SLIT2: variants seen among roughly 807,000 people sequenced by gnomAD.
SLIT2 encodes the protein slit guidance ligand 2.
Under a neutral mutation model 185.7 loss-of-function variants are expected in SLIT2, and 41 were observed. That is an observed-to-expected ratio of 0.22 (90% CI 0.17 to 0.29). The LOEUF (loss-of-function observed/expected upper bound fraction) is 0.29. SLIT2 is among the 10% of genes least tolerant of loss of function. The pLI is 1.00. For missense variants in SLIT2, 1,571 were observed against 1,909.0 expected, an observed-to-expected ratio of 0.82 and a Z score of 3.30; for synonymous variants, 693 against 680.2, an observed-to-expected ratio of 1.02 and a Z score of -0.29.
chr4:20,384,679 T>C (rs905091210), intron 4 of SLIT2, among the ~76,000 whole-genome samples: 1 of 152,090 alleles, frequency 6.6e-6, no homozygotes, highest in African/African-American at 2.4e-5. Flanking sequence ...AAGGAACCGT[T>C]GAAAGATAAT....
chr4:20,467,902 CAGAA>C, intron 5 of SLIT2, 79 bp downstream of exon 5: 1 of 703,182 alleles, frequency 1.4e-6, no homozygotes, highest in East Asian at 3.0e-5. Flanking sequence ...AATAAAGTGT[CAGAA>C]AGAAATGGTG....
intron 9 of SLIT2, among the ~76,000 whole-genome samples, chr4:20,504,772 C>T (rs1333413122): frequency 6.6e-6 from 1 of 152,092 alleles, no homozygotes; most frequent in South Asian, 2.1e-4. Flanking sequence ...AGTCCCCCCT[C>T]TTCCACAGTT....
chr4:20,273,943 G>T (rs1299208093), intron 4 of SLIT2, among the ~76,000 whole-genome samples: 1 of 152,190 alleles, frequency 6.6e-6, no homozygotes, highest in Non-Finnish European at 1.5e-5. Context: ...TGCAGGAATT[G>T]CAGGTTACAG....
intron 4 of SLIT2, among the ~76,000 whole-genome samples, chr4:20,394,360 AG>A (rs1725710504): frequency 6.6e-6 from 1 of 152,034 alleles, no homozygotes; most frequent in African/African-American, 2.4e-5. Flanking sequence ...TTTATTTAAA[AG>A]TTTCCCTTAA....
At chr4:20,608,753 T>C in intron 33 of SLIT2, among the ~76,000 whole-genome samples, 1 of 152,204 alleles carries the variant, frequency 6.6e-6, no homozygotes, top group Middle Eastern at 3.2e-3. Context: ...AATATGTTAA[T>C]GCATTTTTCT....
chr4:20,519,931 G>A (rs1257513353), intron 12 of SLIT2, among the ~76,000 whole-genome samples: 1 of 151,206 alleles, frequency 6.6e-6, no homozygotes, highest in East Asian at 2.0e-4. Context: ...CTACTCAGGA[G>A]GCTGAGGCAG....
intron 14 of SLIT2, 94 bp downstream of exon 14, chr4:20,524,271 C>G: frequency 9.4e-7 from 1 of 1,061,870 alleles, no homozygotes; most frequent in Non-Finnish European, 1.4e-6. Flanking sequence ...TTAGTGAACA[C>G]TGTAGAATCA....
intron 4 of SLIT2, among the ~76,000 whole-genome samples, chr4:20,300,169 T>C (rs1456109234): frequency 6.6e-6 from 1 of 152,088 alleles, no homozygotes; most frequent in African/African-American, 2.4e-5. Context: ...GACTCTATTA[T>C]ATGACTTTTT....
intron 4 of SLIT2, among the ~76,000 whole-genome samples, chr4:20,382,813 G>A (rs1013124549): frequency 3.9e-5 from 6 of 151,956 alleles, no homozygotes; most frequent in Admixed American, 3.9e-4. Flanking sequence ...AATTGATATG[G>A]AGATGAAATA....
At position 20,510,522 on chromosome 4, in the gene SLIT2, C is replaced by A; in HGVS notation, c.942C>A (p.Val314=). 6.2e-7 allele frequency: 1 copy of A among 1,611,446 alleles called. No individual in the cohort carries two copies. The highest frequency in any genetic ancestry group is 8.5e-7 in the Non-Finnish European group (1 of 1,178,034). The stretch of plus-strand genomic sequence containing the variant: ...GTTTGGAACAGAACACAATCAAAGT[C>A]ATCCCTCCTGGAGCTTTCTCACCAT... ...EIRLEQNTIK[V]IPPGAFSPYK... is the part of the protein sequence containing the mutation. The change falls in exon 10 of 37, where the codon GTC becomes GTA. Residue 314 remains valine (V), a synonymous_variant. Coordinates refer to ENST00000504154, the MANE Select transcript of SLIT2 (RefSeq NM_004787.4).
intron 33 of SLIT2, among the ~76,000 whole-genome samples, chr4:20,600,213 G>A (rs2148964587): frequency 6.6e-6 from 1 of 151,830 alleles, no homozygotes; most frequent in South Asian, 2.1e-4. Context: ...CCATAGTAAA[G>A]GTTTTTGGTT....
chr4:20,280,615 A>G (rs1000237774), intron 4 of SLIT2, among the ~76,000 whole-genome samples: 2 of 152,100 alleles, frequency 1.3e-5, no homozygotes, highest in South Asian at 2.1e-4. Context: ...ATCAAAATAC[A>G]TCTAAGATGT....
intron 11 of SLIT2, 107 bp from the exon 12 acceptor site, chr4:20,519,275 G>A: frequency 1.5e-6 from 1 of 673,324 alleles, no homozygotes; most frequent in Non-Finnish European, 2.6e-6. Flanking sequence ...CTTTTATGAT[G>A]TATTGATTGC....
intron 4 of SLIT2, among the ~76,000 whole-genome samples, chr4:20,439,641 G>C (rs1288168500): frequency 6.6e-6 from 1 of 152,188 alleles, no homozygotes. Flanking sequence ...GATACGGGGA[G>C]AGCAAGTCAA....
At chr4:20,388,236 TC>T (rs976357946) in intron 4 of SLIT2, among the ~76,000 whole-genome samples, 1 of 152,170 alleles carries the variant, frequency 6.6e-6, no homozygotes, top group East Asian at 1.9e-4. Flanking sequence ...AATCTTCTAG[TC>T]TTTGAATGAC....
At chr4:20,500,893 T>G (rs187951741) in intron 9 of SLIT2, among the ~76,000 whole-genome samples, 1 of 152,162 alleles carries the variant, frequency 6.6e-6, no homozygotes, top group Non-Finnish European at 1.5e-5. Flanking sequence ...AAAGTACTAG[T>G]TTTTCCTCTA....
chr4:20,364,571 T>C (rs1230663727), intron 4 of SLIT2, among the ~76,000 whole-genome samples: 1 of 152,174 alleles, frequency 6.6e-6, no homozygotes, highest in Non-Finnish European at 1.5e-5. Flanking sequence ...CCATTTGGTG[T>C]AATTATACTT....
chr4:20,600,008 C>T (rs2148964343), intron 33 of SLIT2, among the ~76,000 whole-genome samples: 1 of 152,136 alleles, frequency 6.6e-6, no homozygotes, highest in Admixed American at 6.5e-5. Context: ...TATTGGTTTC[C>T]AAGTTGAATA....
intron 4 of SLIT2, among the ~76,000 whole-genome samples, chr4:20,408,807 C>T (rs1050320246): frequency 1.3e-5 from 2 of 152,106 alleles, no homozygotes; most frequent in South Asian, 2.1e-4. Flanking sequence ...GAGTTTGCAT[C>T]GCTGTGGCTC....
Sources: allele counts gnomAD v4.1 joint callset (sites outside exome capture counted in the v4.1 genomes callset), GRCh38; gene constraint gnomAD v4.1.1; transcripts MANE v1.5; gene names NCBI Gene and HGNC (gene_info 2026-07-23, HGNC 2026-07-21).